The following PEMT variants were observed in gnomAD, a reference collection of about 807,000 sequenced individuals.
The protein encoded by PEMT is phosphatidylethanolamine N-methyltransferase.
Under a neutral mutation model 27.4 loss-of-function variants are expected in PEMT, and 23 were observed. The ratio of observed to expected loss-of-function variants is 0.84; its 90% confidence interval spans 0.60 to 1.19. PEMT has a LOEUF of 1.19. Among genes scored for constraint, PEMT ranks in the 50% most tolerant of loss-of-function variants. The pLI is 0.00. For synonymous variants in PEMT, 137 were observed against 139.1 expected, an observed-to-expected ratio of 0.98 and a Z score of 0.11; for missense variants, 307 against 310.1, an observed-to-expected ratio of 0.99 and a Z score of 0.07.
chr17:17,548,691 G>C (rs1909430461), intron 2 of PEMT, among the ~76,000 whole-genome samples: 1 of 152,188 alleles, frequency 6.6e-6, no homozygotes, highest in Non-Finnish European at 1.5e-5. Context: ...TGGGATTACA[G>C]GCATGCACCA....
At position 17,523,427 on chromosome 17, in the gene PEMT, G is replaced by A. The variant is rs1907436138; in HGVS notation, c.205-1032C>T. On this transcript the variant is annotated intron_variant, in intron 2 of 6. Transcript: ENST00000255389. The surrounding 1 kb of genome is among the most constrained non-coding windows in gnomAD (Gnocchi z 4.8). ...TCAAGGCCACTGACTCCCAGAAGGT[G>A]GCTCCCTAGTGAGTCCTCTGGCCCC... Among the ~76,000 whole-genome samples the A allele has an allele frequency of 6.6e-6, 1 of 152,210 alleles. No homozygotes were observed. Among genetic ancestry groups the A allele is most frequent in the Admixed American group, 6.5e-5 (1 of 15,288 alleles).
intron 1 of PEMT, 31 bp downstream of exon 1, chr17:17,591,500 A>G (rs1042396316): frequency 7.1e-6 from 11 of 1,551,834 alleles, no homozygotes; most frequent in Non-Finnish European, 8.8e-6. Flanking sequence ...TCCCTCTCCC[A>G]GTTTCCGCGG....
chr17:17,533,089 C>T (rs1908223072), intron 2 of PEMT, among the ~76,000 whole-genome samples: 1 of 152,162 alleles, frequency 6.6e-6, no homozygotes, highest in African/African-American at 2.4e-5. Flanking sequence ...TCAAACTTAC[C>T]ACAATGCAAC....
intron 2 of PEMT, among the ~76,000 whole-genome samples, chr17:17,567,970 T>G (rs1051528093): frequency 6.6e-6 from 1 of 152,228 alleles, no homozygotes; most frequent in Non-Finnish European, 1.5e-5. Flanking sequence ...CTGAGCCAGA[T>G]GGAAGCAAGG....
In PEMT at chr17:17,561,282, A is replaced by T. The variant is rs987204453; in HGVS notation, c.204+15638T>A. Among the ~76,000 whole-genome samples, 1 of 152,182 alleles carries T rather than the reference A, an allele frequency of 6.6e-6. No homozygotes were observed. On this transcript the variant is annotated intron_variant, in intron 2 of 6. Coordinates refer to ENST00000255389, the MANE Select transcript of PEMT (RefSeq NM_148172.3). This position sits in a 1 kb window ranked among gnomAD's most constrained non-coding sequence, Gnocchi z 4.5. ...ACACGACCCAGGAGGTGGAACCTAC[A>T]GGTAACCCTCTTTCACAGTTAAGAA...
At position 17,515,538 on chromosome 17, in the gene PEMT, G is replaced by A. The variant is rs74794425; in HGVS notation, c.321-2884C>T. On this transcript the variant is annotated intron_variant, in intron 3 of 6. Coordinates refer to ENST00000255389, the MANE Select transcript of PEMT (RefSeq NM_148172.3). ...CTCTGTGGGTCATTTGCTCAGAGTC[G>A]GCAGAGGAACTGGGCTGAGCTCCTC... Among the ~76,000 whole-genome samples the A allele has an allele frequency of 5.3e-3, 801 of 152,246 alleles. 6 individuals are homozygous for A. The highest frequency in any genetic ancestry group is 0.018 in the African/African-American group (727 of 41,540).
In PEMT at chr17:17,505,724, G is replaced by C; in HGVS notation, c.*67C>G. The C allele has an allele frequency of 6.6e-7, 1 of 1,506,876 alleles. No homozygotes were observed. Among genetic ancestry groups the C allele is most frequent in the Non-Finnish European group, 8.9e-7 (1 of 1,125,744 alleles). 93.3% of individuals were successfully genotyped at this position (1,506,876 alleles called of 1,614,324 possible). On this transcript the variant is annotated 3_prime_UTR_variant, in exon 7 of 7. Transcript: ENST00000255389. The stretch of plus-strand genomic sequence containing the variant: ...GCAGCAGGCACCATTCTCGCCCTGC[G>C]CAGGGCCTGCCACTTGGGGCAGGCC...
In PEMT at chr17:17,505,683, C is replaced by T. The variant is rs904469859; in HGVS notation, c.*108G>A. ...TCCAAGGCACTGGGGCAGCCCACGC[C>T]GGGGGCGAGCCCTGAGCAGCAGGCA... On this transcript the variant is annotated 3_prime_UTR_variant, in exon 7 of 7. Transcript: ENST00000255389. 3.8e-6 allele frequency: 5 copies of T among 1,316,704 alleles called. No individual in the cohort carries two copies. Among genetic ancestry groups the T allele is most frequent in the East Asian group, 2.9e-5 (1 of 34,704 alleles). 81.6% of individuals were successfully genotyped at this position (1,316,704 alleles called of 1,614,324 possible).
chr17:17,570,834 C>T, intron 2 of PEMT: 1 of 985,390 alleles, frequency 1.0e-6, no homozygotes, highest in Non-Finnish European at 1.2e-6. Flanking sequence ...TGGCACGAAG[C>T]CAGGTAGAGT....
chr17:17,566,775 C>T (rs1028654404), intron 2 of PEMT, among the ~76,000 whole-genome samples: 1 of 152,222 alleles, frequency 6.6e-6, no homozygotes, highest in Non-Finnish European at 1.5e-5. Flanking sequence ...CAACTGGGCG[C>T]AGGGGGGCAG....
chr17:17,507,306 G>T, intron 5 of PEMT: 1 of 906,604 alleles, frequency 1.1e-6, no homozygotes, highest in South Asian at 1.4e-5. Flanking sequence ...GCCAGGGGCT[G>T]TGCCCTCCTT....
At chr17:17,559,144 G>A (rs1301806655) in intron 2 of PEMT, among the ~76,000 whole-genome samples, 1 of 152,156 alleles carries the variant, frequency 6.6e-6, no homozygotes, top group Non-Finnish European at 1.5e-5. Flanking sequence ...ATGACCCGCC[G>A]GGGCTGCACA....
chr17:17,586,294 A>G (rs866977441), intron 1 of PEMT, among the ~76,000 whole-genome samples: 124 of 139,394 alleles, frequency 8.9e-4, no homozygotes, highest in African/African-American at 3.7e-3. Context: ...GAAAGAAAAA[A>G]AAAAACGCAG....
At chr17:17,532,675 G>A (rs1908184767) in intron 2 of PEMT, among the ~76,000 whole-genome samples, 1 of 152,090 alleles carries the variant, frequency 6.6e-6, no homozygotes, top group Non-Finnish European at 1.5e-5. Flanking sequence ...ACATCCATAT[G>A]GATATTTAAG....
intron 2 of PEMT, among the ~76,000 whole-genome samples, chr17:17,544,951 G>T (rs1909145642): frequency 6.6e-6 from 1 of 152,224 alleles, no homozygotes; most frequent in Non-Finnish European, 1.5e-5. Flanking sequence ...GAAAGGAGGC[G>T]AACAGGCCAG....
intron 2 of PEMT, among the ~76,000 whole-genome samples, chr17:17,530,849 G>T (rs1182662644): frequency 1.3e-5 from 2 of 152,044 alleles, no homozygotes; most frequent in East Asian, 3.8e-4. Flanking sequence ...ATGAATTCAT[G>T]ATTTATTTCT....
intron 4 of PEMT, among the ~76,000 whole-genome samples, chr17:17,510,355 G>T (rs1187442347): frequency 1.3e-5 from 2 of 152,198 alleles, no homozygotes; most frequent in Admixed American, 1.3e-4. Context: ...TCCATAAAGG[G>T]TGTGGCTTCG....
intron 2 of PEMT, among the ~76,000 whole-genome samples, chr17:17,552,595 T>C (rs1449659670): frequency 6.6e-6 from 1 of 152,130 alleles, no homozygotes; most frequent in Non-Finnish European, 1.5e-5. Flanking sequence ...GGGGTGTGGG[T>C]GCCACGGAGA....
intron 2 of PEMT, among the ~76,000 whole-genome samples, chr17:17,567,805 A>G (rs954064692): frequency 1.3e-5 from 2 of 152,186 alleles, no homozygotes; most frequent in Non-Finnish European, 2.9e-5. Flanking sequence ...GCTCAAAGAA[A>G]AACCCTTCTT....
Sources: gnomAD v4.1 joint callset for allele counts (sites outside exome capture counted in the v4.1 genomes callset) on GRCh38, gnomAD v4.1.1 for gene constraint, Gnocchi (gnomAD v3.1) non-coding constraint, MANE v1.5 for transcripts, NCBI Gene and HGNC (gene_info 2026-07-23, HGNC 2026-07-21) for gene names.